CNTNAP2: variants seen among roughly 807,000 people sequenced by gnomAD.
The protein encoded by CNTNAP2 is contactin associated protein 2, also known as contactin-associated protein-like 2.
Under a neutral mutation model 155.2 loss-of-function variants are expected in CNTNAP2, and 98 were observed. The observed-to-expected ratio is 0.63, with a 90% CI of 0.54 to 0.75. CNTNAP2 has a LOEUF of 0.75. Among genes scored for constraint, CNTNAP2 ranks in the 30% least tolerant of loss-of-function variants. The probability of loss-of-function intolerance (pLI) is 0.00; values close to 1 mark genes in which losing one functional copy is unlikely to be tolerated. For synonymous variants in CNTNAP2, 651 were observed against 631.2 expected (o/e 1.03, Z -0.47); for missense variants, 1,727 against 1,688.1 (o/e 1.02, Z -0.40).
chr7:146,899,810 C>G (rs918814361), intron 3 of CNTNAP2, among the ~76,000 whole-genome samples: 9 of 152,140 alleles, frequency 5.9e-5, no homozygotes, highest in Non-Finnish European at 1.3e-4. Context: ...TTGTCAGAAC[C>G]ATCCTCCAAA....
At chr7:147,522,624 T>A (rs1799247400) in intron 11 of CNTNAP2, among the ~76,000 whole-genome samples, 1 of 152,084 alleles carries the variant, frequency 6.6e-6, no homozygotes, top group African/African-American at 2.4e-5. Context: ...GTAAACATTT[T>A]TTTGCATATT....
intron 1 of CNTNAP2, among the ~76,000 whole-genome samples, chr7:146,475,474 G>T (rs118098949): frequency 6.6e-6 from 1 of 152,162 alleles, no homozygotes; most frequent in Admixed American, 6.5e-5. Context: ...AATATAGAGT[G>T]CAGAGGCCTT....
chr7:147,559,037 A>G (rs2116781118), intron 11 of CNTNAP2, among the ~76,000 whole-genome samples: 1 of 152,222 alleles, frequency 6.6e-6, no homozygotes, highest in South Asian at 2.1e-4. Flanking sequence ...TGCCCGGCCT[A>G]ATATTTTTTA....
chr7:146,160,768 G>A (rs1021273893), intron 1 of CNTNAP2, among the ~76,000 whole-genome samples: 2 of 152,130 alleles, frequency 1.3e-5, no homozygotes, highest in African/African-American at 4.8e-5. Flanking sequence ...AATTCTACCA[G>A]AGGTACAAAG....
chr7:146,253,638 G>GTTGT (rs1799790949), intron 1 of CNTNAP2, among the ~76,000 whole-genome samples: 1 of 152,198 alleles, frequency 6.6e-6, no homozygotes, highest in Non-Finnish European at 1.5e-5. Context: ...ATATTTAACA[G>GTTGT]AGAGATGGAT....
chr7:146,965,579 CA>C (rs1212659085), intron 3 of CNTNAP2, among the ~76,000 whole-genome samples: 1 of 151,774 alleles, frequency 6.6e-6, no homozygotes, highest in African/African-American at 2.4e-5. Flanking sequence ...ATTTTGGGTA[CA>C]AGCAGAAGTT....
At chr7:147,175,845 C>G (rs934522961) in intron 8 of CNTNAP2, among the ~76,000 whole-genome samples, 5 of 152,172 alleles carry the variant, frequency 3.3e-5, no homozygotes, top group Non-Finnish European at 4.4e-5. Flanking sequence ...ATAAAACAAG[C>G]TCTCTAACTG....
At chr7:147,509,421 C>T (rs1198735227) in intron 11 of CNTNAP2, among the ~76,000 whole-genome samples, 1 of 152,172 alleles carries the variant, frequency 6.6e-6, no homozygotes, top group Non-Finnish European at 1.5e-5. Context: ...TATATCCAGC[C>T]TGACACTCCC....
chr7:146,698,904 T>A (rs1800829417), intron 1 of CNTNAP2, among the ~76,000 whole-genome samples: 1 of 152,166 alleles, frequency 6.6e-6, no homozygotes, highest in African/African-American at 2.4e-5. Context: ...TCCAGCCTAC[T>A]AATGAACCCA....
At chr7:147,367,888 C>T (rs1796262388) in intron 9 of CNTNAP2, among the ~76,000 whole-genome samples, 1 of 152,132 alleles carries the variant, frequency 6.6e-6, no homozygotes, top group African/African-American at 2.4e-5. Context: ...ACTTTTCACT[C>T]TACCATCTGT....
chr7:147,402,857 C>T lies in CNTNAP2; in HGVS notation c.1670+7077C>T, dbSNP rs910585996. Among the ~76,000 whole-genome samples, 9 of 151,766 alleles carry T rather than the reference C, an allele frequency of 5.9e-5. No homozygotes were observed. In the South Asian group the frequency reaches 6.3e-4, roughly 11 times the overall value. On this transcript the variant is annotated intron_variant, in intron 10 of 23. Coordinates refer to ENST00000361727, the MANE Select transcript of CNTNAP2 (RefSeq NM_014141.6). ...GACCCTCAAAGGCCATCATAGGATT[C>T]CTAAGTCTCTGCTGTATAAACCAAA...
intron 1 of CNTNAP2, among the ~76,000 whole-genome samples, chr7:146,699,626 T>C (rs942000605): frequency 2.6e-5 from 4 of 152,218 alleles, no homozygotes; most frequent in South Asian, 4.1e-4. Flanking sequence ...CCTCAGTCCA[T>C]TGGGCTGTAG....
chr7:146,391,069 A>AAT (rs2129106592), intron 1 of CNTNAP2, among the ~76,000 whole-genome samples: 1 of 148,018 alleles, frequency 6.8e-6, no homozygotes, highest in African/African-American at 2.5e-5. Flanking sequence ...CTGTCTAAAA[A>AAT]ATATATATAT....
chr7:148,048,431 A>G (rs1461895097), intron 15 of CNTNAP2, among the ~76,000 whole-genome samples: 1 of 151,998 alleles, frequency 6.6e-6, no homozygotes, highest in Non-Finnish European at 1.5e-5. Flanking sequence ...CCTTCCCTTT[A>G]ATGAACCATC....
intron 12 of CNTNAP2, among the ~76,000 whole-genome samples, chr7:147,633,501 T>A (rs1795124762): frequency 6.6e-6 from 1 of 152,110 alleles, no homozygotes; most frequent in African/African-American, 2.4e-5. Context: ...TGGAAAGGCA[T>A]GATTGTGTTT....
chr7:146,716,082 C>T lies in CNTNAP2; in HGVS notation c.98-58189C>T, dbSNP rs941684319. On this transcript the variant is annotated intron_variant, in intron 1 of 23. Coordinates refer to ENST00000361727, the MANE Select transcript of CNTNAP2 (RefSeq NM_014141.6). ...TTGAGGTACAACCAGATGGAAAGAA[C>T]ATGGGTTTTTGGCACATGGGACTGG... Among the ~76,000 whole-genome samples the T allele has an allele frequency of 2.6e-5, 4 of 152,144 alleles. No individual in the cohort carries two copies. The South Asian group carries it at 8.3e-4, about 32-fold the overall frequency.
At chr7:148,048,459 T>G (rs1217505996) in intron 15 of CNTNAP2, among the ~76,000 whole-genome samples, 1 of 152,174 alleles carries the variant, frequency 6.6e-6, no homozygotes, top group Non-Finnish European at 1.5e-5. Context: ...AGGACATGTG[T>G]GCTTCTTTGA....
At chr7:147,895,379 T>C (rs540512374) in intron 13 of CNTNAP2, among the ~76,000 whole-genome samples, 7 of 152,180 alleles carry the variant, frequency 4.6e-5, no homozygotes, top group African/African-American at 1.4e-4. Flanking sequence ...CCCTTCACCA[T>C]AATAAAACTT....
chr7:147,331,692 G>C (rs1194375986), intron 9 of CNTNAP2, among the ~76,000 whole-genome samples: 1 of 152,142 alleles, frequency 6.6e-6, no homozygotes, highest in Non-Finnish European at 1.5e-5. Flanking sequence ...AGAGGAGAGA[G>C]AGAGGGTCAA....
Sources: allele counts gnomAD v4.1 joint callset (sites outside exome capture counted in the v4.1 genomes callset), GRCh38; gene constraint gnomAD v4.1.1; transcripts MANE v1.5; gene names NCBI Gene and HGNC (gene_info 2026-07-23, HGNC 2026-07-21).